The following MET variants were observed in gnomAD, a reference collection of about 807,000 sequenced individuals.
The protein encoded by MET is MET proto-oncogene, receptor tyrosine kinase, also known as hepatocyte growth factor receptor.
A neutral mutation model predicts 133.1 loss-of-function variants in MET; 48 were observed. The observed-to-expected ratio is 0.36, with a 90% CI of 0.29 to 0.46. The LOEUF is 0.46. MET is among the 20% of genes least tolerant of loss of function. MET has a pLI of 1.00. For synonymous variants in MET, 628 were observed against 616.5 expected (o/e 1.02, Z -0.28); for missense variants, 1,442 against 1,695.9 (o/e 0.85, Z 2.63).
chr7:116,693,362 G>T (rs563185057), intron 1 of MET, among the ~76,000 whole-genome samples: 1 of 152,264 alleles, frequency 6.6e-6, no homozygotes, highest in African/African-American at 2.4e-5. Context: ...CTGATTTTAG[G>T]CTACCAAGAT....
chr7:116,713,310 G>A (rs1185930107), intron 2 of MET, among the ~76,000 whole-genome samples: 3 of 151,590 alleles, frequency 2.0e-5, no homozygotes, highest in African/African-American at 7.3e-5. Context: ...CAGGAGAATG[G>A]CGTGAACCCG....
chr7:116,688,601 T>C (rs1173372099), intron 1 of MET, among the ~76,000 whole-genome samples: 2 of 152,242 alleles, frequency 1.3e-5, no homozygotes. Context: ...AAAACAAATG[T>C]CCATTTATTC....
intron 2 of MET, among the ~76,000 whole-genome samples, chr7:116,702,687 T>A (rs1371218739): frequency 6.6e-6 from 1 of 152,190 alleles, no homozygotes; most frequent in Non-Finnish European, 1.5e-5. Flanking sequence ...GTAGTTTTGT[T>A]ATTAACATCT....
intron 2 of MET, among the ~76,000 whole-genome samples, chr7:116,721,172 T>C (rs2116712463): frequency 6.6e-6 from 1 of 152,370 alleles, no homozygotes; most frequent in South Asian, 2.1e-4. Flanking sequence ...GCTCCTGTTA[T>C]TGGTCTATTC....
intron 3 of MET, among the ~76,000 whole-genome samples, chr7:116,739,359 T>C (rs916502190): frequency 3.3e-5 from 5 of 152,224 alleles, no homozygotes; most frequent in Non-Finnish European, 5.9e-5. Flanking sequence ...AGCAGAGTTT[T>C]ATAATCCAAG....
chr7:116,759,294 C>T (rs1391563299), intron 9 of MET, 97 bp from the exon 10 acceptor site: 4 of 1,543,700 alleles, frequency 2.6e-6, no homozygotes, highest in Non-Finnish European at 3.5e-6. Flanking sequence ...TGCCTCTGAC[C>T]TGTAATCAGT....
intron 2 of MET, among the ~76,000 whole-genome samples, chr7:116,705,963 C>A (rs1791774011): frequency 6.6e-6 from 1 of 152,036 alleles, no homozygotes; most frequent in East Asian, 1.9e-4. Context: ...ACAAAATGAA[C>A]CTTTAATTCC....
intron 2 of MET, among the ~76,000 whole-genome samples, chr7:116,716,294 A>AGAGAGAGT (rs1262019663): frequency 1.0e-5 from 1 of 95,510 alleles, no homozygotes; most frequent in African/African-American, 4.9e-5. Context: ...GGAGAGAGAG[A>AGAGAGAGT]GAGAGAGAGA....
Position 116,746,968 on chromosome 7 carries a change from A to G in MET, c.1701+5943A>G, listed in dbSNP as rs940995413. On this transcript the variant is annotated intron_variant, in intron 5 of 20. Coordinates refer to ENST00000397752, the MANE Select transcript of MET (RefSeq NM_000245.4). ...AAAAAGAAACCCTACAAGCCAGAAG[A>G]CAGTGGGGGCCAATATTCAACATTC... 2.0e-5 allele frequency among the ~76,000 whole-genome samples: 3 copies of G among 152,146 alleles called. No homozygotes were observed. In the South Asian group the frequency reaches 6.2e-4, roughly 32 times the overall value.
At chr7:116,738,047 G>T (rs1236672662) in intron 3 of MET, among the ~76,000 whole-genome samples, 1 of 152,196 alleles carries the variant, frequency 6.6e-6, no homozygotes, top group Admixed American at 6.5e-5. Context: ...TCATAGTGAT[G>T]AATAATCTTC....
chr7:116,773,922 C>A (rs1047868970), intron 14 of MET, among the ~76,000 whole-genome samples: 1 of 152,170 alleles, frequency 6.6e-6, no homozygotes, highest in Non-Finnish European at 1.5e-5. Context: ...TATTTGCAAA[C>A]AAATGATACA....
chr7:116,725,696 C>T (rs1046301026), intron 2 of MET, among the ~76,000 whole-genome samples: 4 of 151,064 alleles, frequency 2.6e-5, no homozygotes, highest in African/African-American at 9.7e-5. Flanking sequence ...ATACTGTAGG[C>T]AATTGTAACA....
intron 5 of MET, among the ~76,000 whole-genome samples, chr7:116,743,247 G>T (rs549398651): frequency 6.6e-6 from 1 of 152,212 alleles, no homozygotes; most frequent in Non-Finnish European, 1.5e-5. Flanking sequence ...AACAGACCAG[G>T]AGATTCCCTC....
intron 10 of MET, among the ~76,000 whole-genome samples, chr7:116,759,837 C>A (rs887798532): frequency 6.6e-6 from 1 of 152,132 alleles, no homozygotes; most frequent in Non-Finnish European, 1.5e-5. Context: ...AGTGCAAGGG[C>A]ACGATCTCAG....
At chr7:116,739,087 A>G (rs1050781383) in intron 3 of MET, among the ~76,000 whole-genome samples, 1 of 152,212 alleles carries the variant, frequency 6.6e-6, no homozygotes, top group Admixed American at 6.5e-5. Context: ...CTTAAGAGTG[A>G]AAGTTTCTCT....
chr7:116,698,681 T>C (rs1450755090), intron 1 of MET, among the ~76,000 whole-genome samples: 1 of 152,180 alleles, frequency 6.6e-6, no homozygotes, highest in Non-Finnish European at 1.5e-5. Context: ...CAGAGAAAGT[T>C]TAAATATCAA....
chr7:116,688,951 C>T (rs1355767116), intron 1 of MET, among the ~76,000 whole-genome samples: 2 of 152,034 alleles, frequency 1.3e-5, no homozygotes, highest in Non-Finnish European at 2.9e-5. Context: ...TTTAGAGCAC[C>T]CCCTGGAAAC....
In MET at chr7:116,672,330, T is replaced by G; in HGVS notation, c.-262T>G. 3.5e-6 allele frequency: 1 copy of G among 287,776 alleles called. No homozygotes were observed. Among genetic ancestry groups the G allele is most frequent in the Non-Finnish European group, 6.4e-6 (1 of 155,884 alleles). The allele number at this position is 287,776 out of a possible 1,614,324, so 17.8% of individuals were successfully genotyped here. A position where few individuals can be genotyped will look rare whatever the true frequency, so the allele number is the denominator to read the frequency against. On this transcript the variant is annotated 5_prime_UTR_variant, in exon 1 of 21. Transcript: ENST00000397752. ...AGTCACTGGCAGGGCAGCGCGCGTG[T>G]GGGAAGGGGCGGAGGGAGTGCGGCC...
At chr7:116,718,713 A>C (rs1287005793) in intron 2 of MET, among the ~76,000 whole-genome samples, 1 of 145,930 alleles carries the variant, frequency 6.9e-6, no homozygotes, top group Non-Finnish European at 1.5e-5. Context: ...TCATTGTTCA[A>C]TTCCCACCTA....
Sources: allele counts gnomAD v4.1 joint callset (sites outside exome capture counted in the v4.1 genomes callset), GRCh38; gene constraint gnomAD v4.1.1; transcripts MANE v1.5; gene names NCBI Gene and HGNC (gene_info 2026-07-23, HGNC 2026-07-21).